Variants in MAN1A1 observed in about 807,000 individuals in gnomAD.
The protein encoded by MAN1A1 is mannosyl-oligosaccharide 1,2-alpha-mannosidase IA.
MAN1A1 carries 29 observed loss-of-function variants against 70.8 expected under a neutral mutation model. The observed-to-expected ratio is 0.41, with a 90% CI of 0.31 to 0.56. MAN1A1 has a LOEUF of 0.56. MAN1A1 is among the 20% of genes least tolerant of loss of function. The pLI is 0.29. For missense variants in MAN1A1, 747 were observed against 841.3 expected (o/e 0.89, Z 1.39); for synonymous variants, 349 against 330.1 (o/e 1.06, Z -0.62).
chr6:119,350,475 GA>G, upstream of MAN1A1: 1 of 975,484 alleles, frequency 1.0e-6, no homozygotes, highest in Non-Finnish European at 1.2e-6. Flanking sequence ...ACAAAAAACC[GA>G]AAAAACTTGT....
At chr6:119,321,661 A>G (rs1332086360) in intron 2 of MAN1A1, among the ~76,000 whole-genome samples, 10 of 138,962 alleles carry the variant, frequency 7.2e-5, no homozygotes, top group Non-Finnish European at 1.5e-4. Flanking sequence ...TCTGTCTCCC[A>G]GGCTGGAGTA....
chr6:119,191,603 G>C (rs1773443580), intron 9 of MAN1A1, among the ~76,000 whole-genome samples: 2 of 152,124 alleles, frequency 1.3e-5, no homozygotes. Context: ...TAAAAAACTG[G>C]TTTGATGAAG....
chr6:119,190,060 T>C (rs1773401138), intron 9 of MAN1A1, among the ~76,000 whole-genome samples, 177 bp from the exon 10 acceptor site: 1 of 152,226 alleles, frequency 6.6e-6, no homozygotes, highest in African/African-American at 2.4e-5. Context: ...CTCTAGTTTA[T>C]GCCTTATTTG....
chr6:119,273,377 T>C (rs1010733705), intron 5 of MAN1A1, among the ~76,000 whole-genome samples: 1 of 152,164 alleles, frequency 6.6e-6, no homozygotes, highest in African/African-American at 2.4e-5. Flanking sequence ...AATCATATCA[T>C]ACATGAAAGT....
intron 4 of MAN1A1, among the ~76,000 whole-genome samples, chr6:119,296,376 A>T (rs572630733): frequency 1.4e-4 from 22 of 152,278 alleles, no homozygotes; most frequent in South Asian, 1.0e-3. Context: ...AACCCAAATC[A>T]TCACTCTTGG....
intron 2 of MAN1A1, among the ~76,000 whole-genome samples, chr6:119,348,041 T>A (rs899950069): frequency 6.6e-6 from 1 of 152,180 alleles, no homozygotes; most frequent in African/African-American, 2.4e-5. Context: ...GAACCCGGGG[T>A]ATGCTGGCTA....
intron 12 of MAN1A1, 144 bp from the exon 13 acceptor site, chr6:119,180,089 G>T: frequency 1.1e-6 from 1 of 910,260 alleles, no homozygotes; most frequent in South Asian, 1.6e-5. Flanking sequence ...AACCCTGAGG[G>T]GTTATACTCA....
At chr6:119,263,727 A>T (rs938114847) in intron 5 of MAN1A1, among the ~76,000 whole-genome samples, 3 of 152,172 alleles carry the variant, frequency 2.0e-5, no homozygotes, top group Non-Finnish European at 4.4e-5. Context: ...TACAGGAAAA[A>T]ACAACAACAA....
intron 2 of MAN1A1, among the ~76,000 whole-genome samples, chr6:119,346,815 T>C (rs771688788): frequency 2.0e-5 from 3 of 152,248 alleles, no homozygotes; most frequent in Non-Finnish European, 4.4e-5. Flanking sequence ...TTTGGAGGCA[T>C]GAAATGTATG....
rs748863526 is a variant in MAN1A1, at chr6:119,189,655, T to C, written c.1546+9A>G. 1.2e-6 allele frequency: 2 copies of C among 1,612,528 alleles called. No individual in the cohort carries two copies. The highest frequency in any genetic ancestry group is 8.5e-7 in the Non-Finnish European group (1 of 1,178,644). ...AATAGACCATAAATGAAGAATAACA[T>C]GTACTCACATGTTCGATTATATGAT... On this transcript the variant is annotated intron_variant, in intron 10 of 12. Transcript: ENST00000368468.
chr6:119,254,404 T>C (rs1393984764), intron 5 of MAN1A1, among the ~76,000 whole-genome samples: 1 of 152,196 alleles, frequency 6.6e-6, no homozygotes, highest in Admixed American at 6.5e-5. Context: ...TGTTTTTGAT[T>C]TATCACTGGA....
intron 5 of MAN1A1, among the ~76,000 whole-genome samples, chr6:119,251,087 T>A (rs1264906804): frequency 6.6e-6 from 1 of 152,196 alleles, no homozygotes; most frequent in Non-Finnish European, 1.5e-5. Flanking sequence ...GGCCATGTTC[T>A]CATTGCCAGG....
chr6:119,236,553 C>A (rs907105655), intron 6 of MAN1A1, among the ~76,000 whole-genome samples: 1 of 151,916 alleles, frequency 6.6e-6, no homozygotes, highest in Non-Finnish European at 1.5e-5. Flanking sequence ...ATTAAAAACA[C>A]AGAAATTAGC....
intron 6 of MAN1A1, among the ~76,000 whole-genome samples, chr6:119,228,788 T>G (rs1184374424): frequency 1.3e-5 from 2 of 152,176 alleles, no homozygotes; most frequent in Non-Finnish European, 2.9e-5. Flanking sequence ...AATCTTATAC[T>G]TTTTAAAAAA....
intron 2 of MAN1A1, among the ~76,000 whole-genome samples, chr6:119,336,218 C>G (rs1242224767): frequency 6.6e-6 from 1 of 152,120 alleles, no homozygotes; most frequent in Non-Finnish European, 1.5e-5. Flanking sequence ...TACAGGCTCA[C>G]GCCACCACAC....
At position 119,178,871 on chromosome 6, in the gene MAN1A1, T is replaced by C. The variant is rs1364239815; in HGVS notation, c.*948A>G. ...CTGAACCAAATAGAATGCTTTATTT[T>C]CCAAAGAAAAAAATCAAGATGAAAT... On this transcript the variant is annotated 3_prime_UTR_variant, in exon 13 of 13. Coordinates refer to ENST00000368468, the MANE Select transcript of MAN1A1 (RefSeq NM_005907.4). 6.6e-6 allele frequency: 1 copy of C among 152,042 alleles called. No homozygotes were observed. Among genetic ancestry groups the C allele is most frequent in the Non-Finnish European group, 1.5e-5 (1 of 67,970 alleles). The allele number at this position is 152,042 out of a possible 1,614,324, so 9.4% of individuals were successfully genotyped here.
intron 6 of MAN1A1, among the ~76,000 whole-genome samples, chr6:119,213,789 C>T (rs560633562): frequency 2.0e-5 from 3 of 152,098 alleles, no homozygotes; most frequent in East Asian, 1.9e-4. Context: ...TAACATATCA[C>T]GGTAATCCAT....
chr6:119,189,096 G>T (rs756213029), intron 10 of MAN1A1, among the ~76,000 whole-genome samples: 3 of 152,060 alleles, frequency 2.0e-5, no homozygotes, highest in Non-Finnish European at 4.4e-5. Flanking sequence ...ATTGAAAAGA[G>T]TCCATTTTAG....
chr6:119,211,808 GCTTAT>G (rs1248510081), intron 6 of MAN1A1, among the ~76,000 whole-genome samples: 1 of 151,208 alleles, frequency 6.6e-6, no homozygotes, highest in South Asian at 2.1e-4. Flanking sequence ...GTGATGTTAA[GCTTAT>G]CTTTTTTTTT....
Sources: gnomAD v4.1 joint callset for allele counts (sites outside exome capture counted in the v4.1 genomes callset) on GRCh38, gnomAD v4.1.1 for gene constraint, MANE v1.5 for transcripts, NCBI Gene and HGNC (gene_info 2026-07-23, HGNC 2026-07-21) for gene names.